TNFSF4: variants seen among roughly 807,000 people sequenced by gnomAD.
TNFSF4 encodes tumor necrosis factor ligand superfamily member 4.
TNFSF4 carries 4 observed loss-of-function variants against 7.3 expected under a neutral mutation model. The ratio of observed to expected loss-of-function variants is 0.55; its 90% CI spans 0.27 to 1.25. The LOEUF is 1.25. TNFSF4 is among the 50% of genes most tolerant of loss of function. The pLI is 0.12. For synonymous variants in TNFSF4, 76 were observed against 83.7 expected (o/e 0.91, Z 0.50); for missense variants, 181 against 208.8 (o/e 0.87, Z 0.82).
chr1:173,412,994 G>A, the TNFSF4 span, among the ~76,000 whole-genome samples: 1 of 152,182 alleles, frequency 6.6e-6, no homozygotes, highest in African/African-American at 2.4e-5. Context: ...GTGTTGATTG[G>A]CTTGGGACGG....
At chr1:173,390,183 T>C in the TNFSF4 span, among the ~76,000 whole-genome samples, 1 of 152,182 alleles carries the variant, frequency 6.6e-6, no homozygotes, top group Non-Finnish European at 1.5e-5. Flanking sequence ...ACTACAGTAC[T>C]AGTATAGTAT....
chr1:173,276,880 A>C, the TNFSF4 span, among the ~76,000 whole-genome samples: 1 of 152,140 alleles, frequency 6.6e-6, no homozygotes, highest in Non-Finnish European at 1.5e-5. Flanking sequence ...CTGCAGCTCA[A>C]TGTACATATG....
the TNFSF4 span, among the ~76,000 whole-genome samples, chr1:173,302,468 C>T: frequency 3.9e-5 from 6 of 151,992 alleles, no homozygotes; most frequent in South Asian, 1.2e-3. Context: ...TCTTTGACCT[C>T]ATCTCCCATG....
At chr1:173,199,776 T>C (rs1571198967) in intron 1 of TNFSF4, among the ~76,000 whole-genome samples, 1 of 152,318 alleles carries the variant, frequency 6.6e-6, no homozygotes, top group Middle Eastern at 3.4e-3. Context: ...ATCACTTAAG[T>C]AATTCTTTGA....
the TNFSF4 span, among the ~76,000 whole-genome samples, chr1:173,213,848 C>T: frequency 6.6e-6 from 1 of 152,180 alleles, no homozygotes; most frequent in African/African-American, 2.4e-5. Flanking sequence ...CTATGTTTCT[C>T]AACTAAGGGT....
the TNFSF4 span, among the ~76,000 whole-genome samples, chr1:173,307,164 C>G: frequency 6.6e-6 from 1 of 151,404 alleles, no homozygotes; most frequent in Non-Finnish European, 1.5e-5. Context: ...TACTTTTTCC[C>G]AAAAATGCTG....
the TNFSF4 span, among the ~76,000 whole-genome samples, chr1:173,447,482 G>A: frequency 1.3e-5 from 2 of 152,164 alleles, no homozygotes; most frequent in African/African-American, 4.8e-5. Flanking sequence ...TTGTGCATGT[G>A]TAGGGGTAGA....
chr1:173,396,171 C>G, the TNFSF4 span, among the ~76,000 whole-genome samples: 1 of 152,152 alleles, frequency 6.6e-6, no homozygotes, highest in Non-Finnish European at 1.5e-5. Flanking sequence ...TGAGTTTTCT[C>G]ATTTATACAG....
the TNFSF4 span, among the ~76,000 whole-genome samples, chr1:173,176,645 A>G: frequency 6.6e-6 from 1 of 152,206 alleles, no homozygotes; most frequent in Non-Finnish European, 1.5e-5. Flanking sequence ...AGAAATATAA[A>G]TCATTGTACC....
At chr1:173,289,673 A>G in the TNFSF4 span, among the ~76,000 whole-genome samples, 102 of 152,248 alleles carry the variant, frequency 6.7e-4, 1 homozygote, top group African/African-American at 2.3e-3. Context: ...CATGAACATA[A>G]TAAGAGTAAA....
upstream of TNFSF4, among the ~76,000 whole-genome samples, chr1:173,209,538 T>C (rs527293022): frequency 1.3e-5 from 2 of 152,322 alleles, no homozygotes; most frequent in East Asian, 3.9e-4. Flanking sequence ...AGGGTCTCAC[T>C]CTGTTGCCCA....
At chr1:173,199,438 AAGG>A (rs527540718) in intron 1 of TNFSF4, among the ~76,000 whole-genome samples, 83 of 152,284 alleles carry the variant, frequency 5.5e-4, no homozygotes, top group African/African-American at 1.7e-3. Context: ...CCTTGAAGAG[AAGG>A]AGAAGACACA....
At chr1:173,411,894 C>CA in the TNFSF4 span, among the ~76,000 whole-genome samples, 1 of 152,026 alleles carries the variant, frequency 6.6e-6, no homozygotes, top group African/African-American at 2.4e-5. Context: ...ACGAGGCGGG[C>CA]AGACCACGAG....
chr1:173,332,343 A>G, the TNFSF4 span, among the ~76,000 whole-genome samples: 1 of 152,094 alleles, frequency 6.6e-6, no homozygotes, highest in African/African-American at 2.4e-5. Context: ...ACTTACTAAC[A>G]CTCACTTTCC....
At chr1:173,322,297 G>A in the TNFSF4 span, among the ~76,000 whole-genome samples, 4 of 151,944 alleles carry the variant, frequency 2.6e-5, no homozygotes, top group Non-Finnish European at 4.4e-5. Flanking sequence ...GAAGCGTCTA[G>A]GTTTTAAGCC....
At chr1:173,214,329 CTG>C in the TNFSF4 span, among the ~76,000 whole-genome samples, 416 of 152,290 alleles carry the variant, frequency 2.7e-3, 10 homozygotes, top group East Asian at 0.072. Flanking sequence ...TGTTCTTAAA[CTG>C]TGTGTGATAC....
the TNFSF4 span, among the ~76,000 whole-genome samples, chr1:173,223,514 A>G: frequency 2.9e-4 from 44 of 152,320 alleles, no homozygotes; most frequent in Non-Finnish European, 5.9e-4. Context: ...CCCAAGAATA[A>G]AAATAGAGGG....
At chr1:173,355,254 T>C in the TNFSF4 span, among the ~76,000 whole-genome samples, 1 of 152,142 alleles carries the variant, frequency 6.6e-6, no homozygotes, top group East Asian at 1.9e-4. Flanking sequence ...TCTAGAATAA[T>C]CTCCCCATCC....
At chr1:173,278,637 A>G in the TNFSF4 span, among the ~76,000 whole-genome samples, 1 of 152,150 alleles carries the variant, frequency 6.6e-6, no homozygotes, top group Non-Finnish European at 1.5e-5. Flanking sequence ...CACAGCTAGC[A>G]TATAAGTGAT....
Sources: gnomAD v4.1 joint callset for allele counts (sites outside exome capture counted in the v4.1 genomes callset) on GRCh38, gnomAD v4.1.1 for gene constraint, MANE v1.5 for transcripts, NCBI Gene and HGNC (gene_info 2026-07-23, HGNC 2026-07-21) for gene names.